Variants in SLC12A8 observed in about 807,000 individuals in gnomAD.
SLC12A8 encodes the protein cation-chloride cotransporter 9.
In SLC12A8, 69 loss-of-function variants were observed where a neutral mutation model predicts 75.6. That is an observed-to-expected ratio of 0.91 (90% CI 0.75 to 1.11). The LOEUF (loss-of-function observed/expected upper bound fraction) is 1.11, where lower values mean the gene tolerates loss of function less well. Among genes scored for constraint, SLC12A8 ranks in the 50% most tolerant of loss-of-function variants. The pLI is 0.00. For synonymous variants in SLC12A8, 365 were observed against 372.8 expected (o/e 0.98, Z 0.24); for missense variants, 877 against 896.7 (o/e 0.98, Z 0.28).
chr3:125,189,028 C>T (rs1359358197), intron 3 of SLC12A8, among the ~76,000 whole-genome samples: 9 of 152,166 alleles, frequency 5.9e-5, no homozygotes, highest in Admixed American at 5.9e-4. Context: ...TAGACTACGG[C>T]AACTAATTGT....
chr3:125,175,033 G>T (rs1934490322), intron 5 of SLC12A8, among the ~76,000 whole-genome samples: 1 of 152,194 alleles, frequency 6.6e-6, no homozygotes, highest in African/African-American at 2.4e-5. Flanking sequence ...AGGGGAAACT[G>T]TGGTGGGGGA....
chr3:125,135,624 G>A, intron 6 of SLC12A8, 45 bp downstream of exon 6: 1 of 1,300,480 alleles, frequency 7.7e-7, no homozygotes, highest in East Asian at 2.4e-5. Context: ...AACCAAGAAT[G>A]TATACCCCTA....
intron 5 of SLC12A8, among the ~76,000 whole-genome samples, chr3:125,146,392 G>A (rs866282952): frequency 2.0e-5 from 3 of 152,202 alleles, no homozygotes; most frequent in Admixed American, 6.5e-5. Context: ...TAATGCCACC[G>A]AATTGTACAG....
At chr3:125,086,684 G>C (rs569264195) in intron 13 of SLC12A8, among the ~76,000 whole-genome samples, 94 of 152,272 alleles carry the variant, frequency 6.2e-4, no homozygotes, top group African/African-American at 2.1e-3. Flanking sequence ...TTGTGACCTG[G>C]CTCACCCAAC....
chr3:125,083,144 C>T lies in SLC12A8; in HGVS notation c.*746G>A, dbSNP rs1938368576. On this transcript the variant is annotated 3_prime_UTR_variant, in exon 14 of 14. Transcript: ENST00000469902. ...AAGGATTGGAGGGAGACTTTTCACT[C>T]TATATATCTTTTGGGTGTGGAAACA... is the stretch of plus-strand genomic sequence containing the variant. 6.6e-6 allele frequency: 1 copy of T among 152,120 alleles called. No individual in the cohort carries two copies. Among genetic ancestry groups the T allele is most frequent in the South Asian group, 2.1e-4 (1 of 4,814 alleles). The allele number at this position is 152,120 out of a possible 1,614,324, so 9.4% of individuals were successfully genotyped here.
chr3:125,096,197 A>T (rs1938707076), intron 10 of SLC12A8, among the ~76,000 whole-genome samples: 1 of 152,146 alleles, frequency 6.6e-6, no homozygotes, highest in South Asian at 2.1e-4. Context: ...TGCATGGCTC[A>T]CTGCTTCATG....
chr3:125,108,617 C>T (rs1037706875), intron 9 of SLC12A8, among the ~76,000 whole-genome samples: 1 of 152,190 alleles, frequency 6.6e-6, no homozygotes, highest in Non-Finnish European at 1.5e-5. Flanking sequence ...AATCTGCCCA[C>T]CTTGGCCTAC....
At chr3:125,126,323 T>G (rs1384368880) in intron 6 of SLC12A8, among the ~76,000 whole-genome samples, 1 of 152,146 alleles carries the variant, frequency 6.6e-6, no homozygotes, top group Non-Finnish European at 1.5e-5. Context: ...TGGCACCAGG[T>G]GAACAGGGGA....
At chr3:125,134,741 A>T (rs1039794018) in intron 6 of SLC12A8, among the ~76,000 whole-genome samples, 6 of 152,188 alleles carry the variant, frequency 3.9e-5, no homozygotes, top group Non-Finnish European at 7.4e-5. Flanking sequence ...CAATCTTCTC[A>T]ATCTTAGACA....
chr3:125,107,363 G>A, intron 10 of SLC12A8, 118 bp downstream of exon 10: 1 of 895,116 alleles, frequency 1.1e-6, no homozygotes, highest in Non-Finnish European at 1.8e-6. Context: ...AACAAATATT[G>A]CACAAAATTA....
intron 5 of SLC12A8, among the ~76,000 whole-genome samples, chr3:125,176,545 C>G (rs927123648): frequency 7.9e-5 from 12 of 152,088 alleles, no homozygotes; most frequent in South Asian, 2.1e-4. Flanking sequence ...GCAACCTACA[C>G]AATGGGAGAA....
At chr3:125,113,072 T>C (rs1462824882) in intron 8 of SLC12A8, among the ~76,000 whole-genome samples, 2 of 152,246 alleles carry the variant, frequency 1.3e-5, no homozygotes, top group African/African-American at 4.8e-5. Flanking sequence ...AAAGCCTATT[T>C]ACTCACAGCA....
intron 10 of SLC12A8, among the ~76,000 whole-genome samples, chr3:125,101,656 T>G (rs950350712): frequency 6.6e-5 from 10 of 152,242 alleles, no homozygotes; most frequent in African/African-American, 2.4e-4. Flanking sequence ...GCACAGCTGT[T>G]GTAAATAAAT....
At chr3:125,193,605 C>T (rs768444195) in intron 2 of SLC12A8, among the ~76,000 whole-genome samples, 5 of 152,206 alleles carry the variant, frequency 3.3e-5, no homozygotes, top group African/African-American at 7.2e-5. Flanking sequence ...GGCAGGACCA[C>T]GGTCTGCAGT....
At chr3:125,125,974 A>C in intron 6 of SLC12A8, 3 of 978,700 alleles carry the variant, frequency 3.1e-6, no homozygotes, top group Non-Finnish European at 3.6e-6. Context: ...ACAGTGCTGG[A>C]TTGATGGCAT....
intron 8 of SLC12A8, 84 bp downstream of exon 8, chr3:125,118,685 A>C: frequency 2.2e-6 from 2 of 916,856 alleles, no homozygotes; most frequent in East Asian, 2.6e-5. Context: ...ACAGTACTGC[A>C]AGGGGAAGGT....
At chr3:125,142,422 G>A (rs2107765625) in intron 5 of SLC12A8, among the ~76,000 whole-genome samples, 1 of 152,360 alleles carries the variant, frequency 6.6e-6, no homozygotes, top group African/African-American at 2.4e-5. Flanking sequence ...GAGGAGCCCA[G>A]TCAAAACTGA....
At chr3:125,135,359 A>T (rs1933460792) in intron 6 of SLC12A8, among the ~76,000 whole-genome samples, 1 of 152,188 alleles carries the variant, frequency 6.6e-6, no homozygotes, top group Non-Finnish European at 1.5e-5. Context: ...TATGAACAAA[A>T]GGTGTCAATG....
intron 6 of SLC12A8, chr3:125,123,483 A>C (rs2054264762): frequency 6.6e-6 from 1 of 152,106 alleles, no homozygotes; most frequent in Non-Finnish European, 1.5e-5. Flanking sequence ...ATGGTGGTAC[A>C]CACATCCCAG....
Sources: gnomAD v4.1 joint callset for allele counts (sites outside exome capture counted in the v4.1 genomes callset) on GRCh38, gnomAD v4.1.1 for gene constraint, MANE v1.5 for transcripts, NCBI Gene and HGNC (gene_info 2026-07-23, HGNC 2026-07-21) for gene names.